The following ATXN10 variants were observed in gnomAD, a reference collection of about 807,000 sequenced individuals.
ATXN10 encodes the protein ataxin-10.
A neutral mutation model predicts 52.9 loss-of-function variants in ATXN10; 28 were observed. The observed-to-expected ratio is 0.53, with a 90% confidence interval of 0.39 to 0.73. The LOEUF (loss-of-function observed/expected upper bound fraction) is 0.73. ATXN10 is among the 30% of genes least tolerant of loss of function. ATXN10 has a pLI of 0.00. For synonymous variants in ATXN10, 226 were observed against 221.5 expected (o/e 1.02, Z -0.18); for missense variants, 565 against 577.0 (o/e 0.98, Z 0.21).
intron 7 of ATXN10, among the ~76,000 whole-genome samples, chr22:45,735,417 C>A (rs1341138447): frequency 6.6e-6 from 1 of 151,928 alleles, no homozygotes; most frequent in East Asian, 1.9e-4. Flanking sequence ...CTACCTATAT[C>A]ATATCCTAAA....
Position 45,833,487 on chromosome 22 carries a change from T to A in ATXN10, c.1238-9504T>A, listed in dbSNP as rs1053312546. ...TTTAATCCTTTCTAACTTAGAACTA[T>A]TTTTGATCCTTGGCTGTACTTCATT... On this transcript the variant is annotated intron_variant, in intron 10 of 11. Transcript: ENST00000252934. This position sits in a 1 kb window ranked among gnomAD's most constrained non-coding sequence, Gnocchi z 4.3. 6.6e-6 allele frequency among the ~76,000 whole-genome samples: 1 copy of A among 152,240 alleles called. No individual in the cohort carries two copies. The highest frequency in any genetic ancestry group is 6.5e-5 in the Admixed American group (1 of 15,284).
At position 45,774,003 on chromosome 22, in the gene ATXN10, A is replaced by G. The variant is rs989839360; in HGVS notation, c.1174-32956A>G. On this transcript the variant is annotated intron_variant, in intron 9 of 11. Transcript: ENST00000252934. This position sits in a 1 kb window ranked among gnomAD's most constrained non-coding sequence, Gnocchi z 6.2. ...TGTCTGGGTAGAGAGAATGGCCTGTAGAAACAAATTGTAAGAAACATGAAG... is the reference window on the plus strand; with the variant it reads ...TGTCTGGGTAGAGAGAATGGCCTGTGGAAACAAATTGTAAGAAACATGAAG... Among the ~76,000 whole-genome samples the G allele has an allele frequency of 5.9e-5, 9 of 152,216 alleles. No individual in the cohort carries two copies. The highest frequency in any genetic ancestry group is 5.2e-4 in the Admixed American group (8 of 15,278).
intron 6 of ATXN10, among the ~76,000 whole-genome samples, chr22:45,726,996 C>CA (rs1924897276): frequency 1.3e-5 from 2 of 151,968 alleles, no homozygotes; most frequent in Non-Finnish European, 2.9e-5. Flanking sequence ...GGTTCTGTTT[C>CA]TCTAGTTCTT....
In ATXN10 at chr22:45,694,160, A is replaced by G. The variant is rs116127146; in HGVS notation, c.391+1082A>G. On this transcript the variant is annotated intron_variant, in intron 3 of 11. Coordinates refer to ENST00000252934, the MANE Select transcript of ATXN10 (RefSeq NM_013236.4). ...GTTAACGGTTGTTGACTTGGGATTA[A>G]GAGAAACACCACACTTCTTTAGACT... is the stretch of plus-strand genomic sequence containing the variant. Among the ~76,000 whole-genome samples, 778 of 152,318 alleles carry G rather than the reference A, an allele frequency of 5.1e-3. 10 individuals carry two copies. The highest frequency in any genetic ancestry group is 0.018 in the African/African-American group (748 of 41,570).
At chr22:45,810,967 G>T (rs1257749437) in intron 10 of ATXN10, among the ~76,000 whole-genome samples, 2 of 152,116 alleles carry the variant, frequency 1.3e-5, no homozygotes, top group Non-Finnish European at 2.9e-5. Flanking sequence ...ATGTGAGCAT[G>T]AAAAGCATGT....
At chr22:45,793,947 C>G (rs1927613616) in intron 9 of ATXN10, among the ~76,000 whole-genome samples, 1 of 152,202 alleles carries the variant, frequency 6.6e-6, no homozygotes, top group Admixed American at 6.5e-5. Flanking sequence ...AGGCAGTGTG[C>G]CCAGAATAGC....
intron 5 of ATXN10, among the ~76,000 whole-genome samples, chr22:45,704,725 G>A (rs993507539): frequency 3.9e-5 from 6 of 152,162 alleles, no homozygotes; most frequent in African/African-American, 1.4e-4. Context: ...CCATCTGCAA[G>A]TAGGTAATAT....
At position 45,759,520 on chromosome 22, in the gene ATXN10, C is replaced by G. The variant is rs1448603985; in HGVS notation, c.1173+18982C>G. On this transcript the variant is annotated intron_variant, in intron 9 of 11. Transcript: ENST00000252934. The surrounding 1 kb of genome is among the most constrained non-coding windows in gnomAD (Gnocchi z 5.4). ...CAAGACTCCGTGTCAAACAAACAAA[C>G]AAAAAAGATTCTAGAGCAGTCTGAT... Among the ~76,000 whole-genome samples, 3 of 152,056 alleles carry G rather than the reference C, an allele frequency of 2.0e-5. No homozygotes were observed. The highest frequency in any genetic ancestry group is 7.2e-5 in the African/African-American group (3 of 41,416).
chr22:45,836,210 A>G (rs1399305293), intron 10 of ATXN10, among the ~76,000 whole-genome samples: 3 of 152,264 alleles, frequency 2.0e-5, no homozygotes, highest in Admixed American at 6.5e-5. Context: ...TGAGAAGAGT[A>G]TGCAGTGGGA....
chr22:45,743,327 C>T (rs992868349), intron 9 of ATXN10, among the ~76,000 whole-genome samples: 3 of 152,140 alleles, frequency 2.0e-5, no homozygotes, highest in Non-Finnish European at 2.9e-5. Flanking sequence ...TTCCAAAGAC[C>T]GACACAACGC....
intron 5 of ATXN10, among the ~76,000 whole-genome samples, chr22:45,707,034 TAC>T (rs1047228248): frequency 6.6e-6 from 1 of 150,820 alleles, no homozygotes; most frequent in African/African-American, 2.5e-5. Context: ...CTCTGTTAAG[TAC>T]ACACACACAT....
At chr22:45,817,688 C>T (rs1250567318) in intron 10 of ATXN10, among the ~76,000 whole-genome samples, 3 of 151,926 alleles carry the variant, frequency 2.0e-5, no homozygotes, top group Admixed American at 1.3e-4. Flanking sequence ...GATTTATCTG[C>T]GTAAACCAGA....
rs1313736108 is a variant in ATXN10 at position 45,677,071 on chromosome 22, C to T, written c.116+4892C>T. 1.3e-5 allele frequency: 2 copies of T among 152,212 alleles called. No homozygotes were observed. The highest frequency in any genetic ancestry group is 2.9e-5 in the Non-Finnish European group (2 of 68,040). 9.4% of individuals were successfully genotyped at this position (152,212 alleles called of 1,614,324 possible). On this transcript the variant is annotated intron_variant, in intron 1 of 11. Transcript: ENST00000252934. This position sits in a 1 kb window ranked among gnomAD's most constrained non-coding sequence, Gnocchi z 4.1. ...CAGATATAGAATATTTCCATCATCA[C>T]AGAAAGTTCTGGAAATAGTGCTCTT...
Position 45,775,711 on chromosome 22 carries a change from C to T in ATXN10, c.1174-31248C>T, listed in dbSNP as rs148427462. Among the ~76,000 whole-genome samples the T allele has an allele frequency of 1.5e-3, 231 of 152,250 alleles. No individual in the cohort carries two copies. Among genetic ancestry groups the T allele is most frequent in the African/African-American group, 5.0e-3 (209 of 41,550 alleles). Reference sequence around the variant, plus strand: ...TTGAGAGAGATTTAGTGAAAAACAGCGGTTGAGTAGTTTCCATGCTTCAAG... The same window carrying T: ...TTGAGAGAGATTTAGTGAAAAACAGTGGTTGAGTAGTTTCCATGCTTCAAG... On this transcript the variant is annotated intron_variant, in intron 9 of 11. Coordinates refer to ENST00000252934, the MANE Select transcript of ATXN10 (RefSeq NM_013236.4). This position sits in a 1 kb window ranked among gnomAD's most constrained non-coding sequence, Gnocchi z 4.7.
In ATXN10 at chr22:45,828,096, A is replaced by G. The variant is rs192706836; in HGVS notation, c.1238-14895A>G. Among the ~76,000 whole-genome samples, 667 of 152,280 alleles carry G rather than the reference A, an allele frequency of 4.4e-3. 4 individuals are homozygous for G. Among genetic ancestry groups the G allele is most frequent in the Non-Finnish European group, 7.0e-3 (473 of 68,016 alleles). ...CTGGGTGCAGTGGCTCATACCTGTA[A>G]TCCCAGCAGTTTGGGAGGCCAAAGT... On this transcript the variant is annotated intron_variant, in intron 10 of 11. Coordinates refer to ENST00000252934, the MANE Select transcript of ATXN10 (RefSeq NM_013236.4). This position sits in a 1 kb window ranked among gnomAD's most constrained non-coding sequence, Gnocchi z 4.5.
rs189009891 is a variant in ATXN10 at position 45,828,482 on chromosome 22, T to A, written c.1238-14509T>A. Among the ~76,000 whole-genome samples, 1 of 152,236 alleles carries A rather than the reference T, an allele frequency of 6.6e-6. No homozygotes were observed. Among genetic ancestry groups the A allele is most frequent in the African/African-American group, 2.4e-5 (1 of 41,566 alleles). On this transcript the variant is annotated intron_variant, in intron 10 of 11. Transcript: ENST00000252934. This position sits in a 1 kb window ranked among gnomAD's most constrained non-coding sequence, Gnocchi z 4.5. ...ATTATGAAAACAGAAGTTGCTTTTT[T>A]AAAGATCAACAAAAGTTGACCAACT...
chr22:45,838,363 C>T (rs575922247), intron 10 of ATXN10, among the ~76,000 whole-genome samples: 2 of 152,290 alleles, frequency 1.3e-5, no homozygotes, highest in South Asian at 4.2e-4. Context: ...TGGGTCAAGA[C>T]CCCAGAGCCC....
Position 45,769,767 on chromosome 22 carries a change from C to T in ATXN10, c.1173+29229C>T, listed in dbSNP as rs1210996014. ...CTCGAGTAGCCTGACAAGATGTCTG[C>T]CAGGTGCTCAGAAAATATCTGATGA... is the stretch of plus-strand genomic sequence containing the variant. On this transcript the variant is annotated intron_variant, in intron 9 of 11. Transcript: ENST00000252934. The surrounding 1 kb of genome is among the most constrained non-coding windows in gnomAD (Gnocchi z 4.2). Among the ~76,000 whole-genome samples, 1 of 152,050 alleles carries T rather than the reference C, an allele frequency of 6.6e-6. No individual in the cohort carries two copies. The highest frequency in any genetic ancestry group is 1.5e-5 in the Non-Finnish European group (1 of 68,018).
chr22:45,700,946 G>A (rs1923819680), intron 4 of ATXN10, among the ~76,000 whole-genome samples: 1 of 152,128 alleles, frequency 6.6e-6, no homozygotes, highest in Admixed American at 6.5e-5. Context: ...TGTCTCGATT[G>A]GATCCTGGTA....
Sources: allele counts gnomAD v4.1 joint callset (sites outside exome capture counted in the v4.1 genomes callset), GRCh38; gene constraint gnomAD v4.1.1; non-coding constraint Gnocchi (gnomAD v3.1); transcripts MANE v1.5; gene names NCBI Gene and HGNC (gene_info 2026-07-23, HGNC 2026-07-21).